The following CNTN3 variants were observed in gnomAD, a reference collection of about 807,000 sequenced individuals.
The protein encoded by CNTN3 is contactin 3, also known as contactin-3.
CNTN3 carries 60 observed loss-of-function variants against 119.1 expected under a neutral mutation model. The ratio of observed to expected loss-of-function variants is 0.50; its 90% CI spans 0.41 to 0.62. The LOEUF is 0.62. CNTN3 is among the 20% of genes least tolerant of loss of function. The probability of loss-of-function intolerance (pLI) is 0.00; values close to 1 mark genes in which losing one functional copy is unlikely to be tolerated. For synonymous variants in CNTN3, 450 were observed against 438.7 expected (o/e 1.03, Z -0.32); for missense variants, 1,101 against 1,242.4 (o/e 0.89, Z 1.71).
At chr3:74,394,406 A>T (rs994564407) in intron 5 of CNTN3, among the ~76,000 whole-genome samples, 1 of 152,304 alleles carries the variant, frequency 6.6e-6, no homozygotes, top group South Asian at 2.1e-4. Context: ...AGCTGACTTA[A>T]TTTTTAAATC....
chr3:74,532,903 C>T (rs1377274356), intron 1 of CNTN3, among the ~76,000 whole-genome samples: 1 of 152,016 alleles, frequency 6.6e-6, no homozygotes, highest in Non-Finnish European at 1.5e-5. Flanking sequence ...GAAGAGTCTT[C>T]TCAGGATTAA....
intron 1 of CNTN3, among the ~76,000 whole-genome samples, chr3:74,588,979 G>A (rs1230550125): frequency 2.1e-4 from 32 of 151,912 alleles, no homozygotes; most frequent in Non-Finnish European, 4.0e-4. Context: ...AGACTTAAAC[G>A]TTAGACCTAA....
intron 4 of CNTN3, among the ~76,000 whole-genome samples, chr3:74,485,541 ACATTAAATGACCCAT>A (rs1255891530): frequency 1.3e-5 from 2 of 152,132 alleles, no homozygotes; most frequent in Non-Finnish European, 2.9e-5. Flanking sequence ...AATAGGCTAG[ACATTAAATGACCCAT>A]CATTAATTTA....
intron 5 of CNTN3, among the ~76,000 whole-genome samples, chr3:74,378,652 A>G (rs1704539812): frequency 6.6e-6 from 1 of 152,140 alleles, no homozygotes; most frequent in African/African-American, 2.4e-5. Context: ...TTCAATTACT[A>G]TTGTCTGTGG....
chr3:74,391,529 T>A (rs538735940), intron 5 of CNTN3, among the ~76,000 whole-genome samples: 10 of 151,096 alleles, frequency 6.6e-5, no homozygotes, highest in Non-Finnish European at 1.5e-4. Context: ...TAAATGTTAC[T>A]TATTAGTATT....
chr3:74,402,829 T>C (rs1207739570), intron 5 of CNTN3, among the ~76,000 whole-genome samples: 1 of 152,248 alleles, frequency 6.6e-6, no homozygotes, highest in Non-Finnish European at 1.5e-5. Context: ...GACCTCTTTG[T>C]TCAGCCTGCA....
chr3:74,487,145 T>C (rs922344619), intron 3 of CNTN3, among the ~76,000 whole-genome samples: 2 of 152,120 alleles, frequency 1.3e-5, no homozygotes, highest in Non-Finnish European at 2.9e-5. Flanking sequence ...GCCATTACAG[T>C]GCTATTTACA....
intron 5 of CNTN3, among the ~76,000 whole-genome samples, chr3:74,379,761 C>T (rs1424541202): frequency 6.6e-6 from 1 of 152,172 alleles, no homozygotes; most frequent in East Asian, 1.9e-4. Context: ...TTCAAAGACA[C>T]TCAAAACAGG....
intron 5 of CNTN3, among the ~76,000 whole-genome samples, chr3:74,373,342 A>G (rs1413937421): frequency 6.6e-6 from 1 of 152,182 alleles, no homozygotes; most frequent in Non-Finnish European, 1.5e-5. Flanking sequence ...CGGCAACCTC[A>G]CTTTGCAGTA....
chr3:74,447,573 T>C (rs918650199), intron 4 of CNTN3, among the ~76,000 whole-genome samples: 2 of 152,002 alleles, frequency 1.3e-5, no homozygotes, highest in East Asian at 3.9e-4. Flanking sequence ...AAATAAGACC[T>C]ACTAAGATGC....
At chr3:74,518,534 A>G (rs2107117564) in intron 2 of CNTN3, among the ~76,000 whole-genome samples, 1 of 152,026 alleles carries the variant, frequency 6.6e-6, no homozygotes, top group Admixed American at 6.6e-5. Context: ...GAAGTGCCAC[A>G]TCCAACACCA....
chr3:74,356,163 C>T (rs557098020), intron 11 of CNTN3, among the ~76,000 whole-genome samples: 1 of 152,096 alleles, frequency 6.6e-6, no homozygotes, highest in Non-Finnish European at 1.5e-5. Flanking sequence ...GCAACAAGGC[C>T]CCATCTATGC....
chr3:74,383,250 C>A (rs1329826857), intron 5 of CNTN3, among the ~76,000 whole-genome samples: 1 of 152,074 alleles, frequency 6.6e-6, no homozygotes, highest in Non-Finnish European at 1.5e-5. Flanking sequence ...CTAGTAGTAG[C>A]CATATTCTTG....
At chr3:74,528,976 G>T (rs1703657522) in intron 1 of CNTN3, among the ~76,000 whole-genome samples, 1 of 151,682 alleles carries the variant, frequency 6.6e-6, no homozygotes, top group South Asian at 2.1e-4. Flanking sequence ...CAAACATAAG[G>T]TGCAAAACAC....
At chr3:74,568,132 C>A (rs1248425309) in intron 1 of CNTN3, among the ~76,000 whole-genome samples, 1 of 150,952 alleles carries the variant, frequency 6.6e-6, no homozygotes, top group East Asian at 2.0e-4. Flanking sequence ...CCAATTCTCA[C>A]GCCTATGATA....
chr3:74,385,291 GACAGAAC>G (rs1704721063), intron 5 of CNTN3, among the ~76,000 whole-genome samples: 1 of 152,152 alleles, frequency 6.6e-6, no homozygotes, highest in Admixed American at 6.5e-5. Flanking sequence ...GTGGCTAGTA[GACAGAAC>G]ATAGAACATC....
chr3:74,373,584 A>G (rs1356100568), intron 5 of CNTN3, among the ~76,000 whole-genome samples: 1 of 152,240 alleles, frequency 6.6e-6, no homozygotes, highest in Non-Finnish European at 1.5e-5. Context: ...TGGTGAATTC[A>G]TGCAAGATAA....
intron 5 of CNTN3, among the ~76,000 whole-genome samples, chr3:74,421,621 AGAAGAAAT>A (rs777736810): frequency 6.6e-6 from 1 of 152,252 alleles, no homozygotes. Context: ...GAGGGAACCA[AGAAGAAAT>A]GAAGAAATGT....
chr3:74,268,315 T>C (rs1168501735), intron 20 of CNTN3, among the ~76,000 whole-genome samples: 1 of 152,160 alleles, frequency 6.6e-6, no homozygotes, highest in Non-Finnish European at 1.5e-5. Context: ...ATATTATTCA[T>C]TCAACAACAG....
Sources: allele counts gnomAD v4.1 joint callset (sites outside exome capture counted in the v4.1 genomes callset), GRCh38; gene constraint gnomAD v4.1.1; transcripts MANE v1.5; gene names NCBI Gene and HGNC (gene_info 2026-07-23, HGNC 2026-07-21).